Variants in P4HTM observed in about 807,000 individuals in gnomAD.
P4HTM encodes the protein transmembrane prolyl 4-hydroxylase.
In P4HTM, 33 loss-of-function variants were observed where a neutral mutation model predicts 55.3. The ratio of observed to expected loss-of-function variants is 0.60; its 90% CI spans 0.45 to 0.80. The LOEUF (loss-of-function observed/expected upper bound fraction) is 0.80, where lower values mean the gene tolerates loss of function less well. Among genes scored for constraint, P4HTM ranks in the 30% least tolerant of loss-of-function variants. The pLI is 0.00. For missense variants in P4HTM, 542 were observed against 696.5 expected (o/e 0.78, Z 2.50); for synonymous variants, 272 against 286.4 (o/e 0.95, Z 0.51).
At chr3:49,004,467 T>A (rs1398075948) in intron 5 of P4HTM, 1 of 583,934 alleles carries the variant, frequency 1.7e-6, no homozygotes, top group Non-Finnish European at 3.0e-6. Flanking sequence ...AATGGGCAAC[T>A]GGGGTTAGAT....
rs1389056353 is a variant in P4HTM at position 49,006,128 on chromosome 3, G to A, written c.1229G>A (p.Arg410His). Reference sequence around the variant, plus strand: ...AGGCACTGTGACAAGGGAAACCTGCGTGTCAAGCCCCAACAGGGCACAGCA... The same window carrying A: ...AGGCACTGTGACAAGGGAAACCTGCATGTCAAGCCCCAACAGGGCACAGCA... Reference protein sequence around the residue: ...TRRHCDKGNLRVKPQQGTAVF... With the variant: ...TRRHCDKGNLHVKPQQGTAVF... The change falls in exon 8 of 9, where the codon CGT becomes CAT. Residue 410 changes from arginine (R) to histidine (H), a missense_variant. Around this residue, in one of 2 missense-constraint regions of P4HTM, gnomAD observed 536 missense variants for 672.1 expected, o/e 0.80. Coordinates refer to ENST00000383729, the MANE Select transcript of P4HTM (RefSeq NM_177939.3). 5.0e-6 allele frequency: 8 copies of A among 1,612,862 alleles called. No individual in the cohort carries two copies. Among genetic ancestry groups the A allele is most frequent in the Admixed American group, 3.3e-5 (2 of 60,000 alleles).
rs2092978557 is a variant in P4HTM at position 49,005,997 on chromosome 3, TCACC to T, written c.1165-65_1165-62del. On this transcript the variant is annotated intron_variant, in intron 7 of 8. Transcript: ENST00000383729. ...GCATATCTGGTTGGTTTCCCTTTGGTCACCCTTGGCTGGCCTGGCCATAGAGTGG... is the reference window on the plus strand; with the variant it reads ...GCATATCTGGTTGGTTTCCCTTTGGTCTTGGCTGGCCTGGCCATAGAGTGG... 8 of 1,569,708 alleles carry T rather than the reference TCACC, an allele frequency of 5.1e-6. No homozygotes were observed. In the African/African-American group the frequency reaches 6.8e-5, roughly 13 times the overall value.
chr3:48,998,658 A>G (rs1292489575), intron 2 of P4HTM, among the ~76,000 whole-genome samples: 1 of 151,570 alleles, frequency 6.6e-6, no homozygotes, highest in African/African-American at 2.4e-5. Flanking sequence ...TTGGGCCTTT[A>G]CTCTCCATCT....
chr3:49,005,755 C>T lies in P4HTM; in HGVS notation c.1074-22C>T, dbSNP rs1260345994. On this transcript the variant is annotated intron_variant, in intron 6 of 8. Coordinates refer to ENST00000383729, the MANE Select transcript of P4HTM (RefSeq NM_177939.3). ...GAGCATCCACAACTGGGGACCTGCT[C>T]AGTGCCCCCCCTGCCTTACAGCTAC... 36 of 1,586,622 alleles carry T rather than the reference C, an allele frequency of 2.3e-5. No homozygotes were observed. Among genetic ancestry groups the T allele is most frequent in the Non-Finnish European group, 2.7e-5 (31 of 1,168,048 alleles).
chr3:49,002,513 C>A lies in P4HTM; in HGVS notation c.641C>A (p.Thr214Asn). Residue 214 changes from threonine to asparagine, a missense_variant, in exon 4 of 9, where the codon ACT becomes AAT. Physicochemically the swap from Thr to Asn is moderately conservative, Grantham distance 65. This residue lies in a region of P4HTM where 536 missense variants were observed against 672.1 expected (regional missense o/e 0.80). Transcript: ENST00000383729. This position sits in a 1 kb window ranked among gnomAD's most constrained non-coding sequence, Gnocchi z 4.4. ...HLQLREVLAQ[T>N]RLGNGWWMTP... ...CTTATGCTTTAGGTTCTGGCCCAGA[C>A]TCGCCTGGGAAATGGATGGTGGATG... The A allele has an allele frequency of 6.2e-7, 1 of 1,613,876 alleles. No individual in the cohort carries two copies. The highest frequency in any genetic ancestry group is 2.2e-5 in the East Asian group (1 of 44,876).
intron 2 of P4HTM, chr3:48,991,458 G>C (rs939113394): frequency 2.0e-5 from 3 of 153,114 alleles, no homozygotes; most frequent in Non-Finnish European, 2.9e-5. Context: ...AAGCTTTCTA[G>C]GGTGACTCCA....
intron 2 of P4HTM, among the ~76,000 whole-genome samples, chr3:48,993,730 T>G (rs2092937591): frequency 6.6e-6 from 1 of 151,028 alleles, no homozygotes; most frequent in Non-Finnish European, 1.5e-5. Context: ...GGCATGGTGG[T>G]GGATGCCTGT....
At position 49,001,910 on chromosome 3, in the gene P4HTM, G is replaced by T. The variant is rs566024816; in HGVS notation, c.627+282G>T. Reference sequence around the variant, plus strand: ...TGTAGCCTGCATTCCTTGCTCTCATGGCTGGGGGCCCCACAGAACTCATGG... The same window carrying T: ...TGTAGCCTGCATTCCTTGCTCTCATTGCTGGGGGCCCCACAGAACTCATGG... On this transcript the variant is annotated intron_variant, in intron 3 of 8. Coordinates refer to ENST00000383729, the MANE Select transcript of P4HTM (RefSeq NM_177939.3). Among the ~76,000 whole-genome samples the T allele has an allele frequency of 4.6e-5, 7 of 152,370 alleles. No homozygotes were observed. In the East Asian group the frequency reaches 1.3e-3, roughly 29 times the overall value.
chr3:48,994,933 G>A (rs9838123), intron 2 of P4HTM, among the ~76,000 whole-genome samples: 3,474 of 152,078 alleles, frequency 0.023, 152 homozygotes, highest in African/African-American at 0.078. Context: ...CCAAACAGCC[G>A]GAACTACAGG....
chr3:49,005,185 C>A, intron 6 of P4HTM, 139 bp downstream of exon 6: 1 of 1,587,106 alleles, frequency 6.3e-7, no homozygotes, highest in Non-Finnish European at 8.6e-7. Flanking sequence ...GTGATGCCCT[C>A]ACCTCTCCCC....
Position 49,007,003 on chromosome 3 carries a change from GC to G in P4HTM, c.*98del. 8 of 1,048,528 alleles carry G rather than the reference GC, an allele frequency of 7.6e-6. No individual in the cohort carries two copies. The South Asian group carries it at 1.2e-4, about 15-fold the overall frequency. The allele number at this position is 1,048,528 out of a possible 1,614,324, so 65.0% of individuals were successfully genotyped here. ...TGTCCTGCTGCAGACTAAAGGTCTGGCCAATGTCTTGCCCCACCCCGCCAGC... is the reference window on the plus strand; with the variant it reads ...TGTCCTGCTGCAGACTAAAGGTCTGGCAATGTCTTGCCCCACCCCGCCAGC... On this transcript the variant is annotated 3_prime_UTR_variant, in exon 9 of 9. Coordinates refer to ENST00000383729, the MANE Select transcript of P4HTM (RefSeq NM_177939.3). The surrounding 1 kb of genome is among the most constrained non-coding windows in gnomAD (Gnocchi z 5.1).
chr3:49,004,042 C>T (rs1004125335), intron 4 of P4HTM, 56 bp from the exon 5 acceptor site: 1 of 1,508,796 alleles, frequency 6.6e-7, no homozygotes, highest in Non-Finnish European at 8.9e-7. Flanking sequence ...TGCAGCCTGC[C>T]ACTGTTGCCT....
rs2092956678 is a variant in P4HTM at position 48,999,999 on chromosome 3, C to G, written c.437-1439C>G. Among the ~76,000 whole-genome samples, 1 of 152,254 alleles carries G rather than the reference C, an allele frequency of 6.6e-6. No individual in the cohort carries two copies. The highest frequency in any genetic ancestry group is 2.1e-4 in the South Asian group (1 of 4,826). On this transcript the variant is annotated intron_variant, in intron 2 of 8. Coordinates refer to ENST00000383729, the MANE Select transcript of P4HTM (RefSeq NM_177939.3). This position sits in a 1 kb window ranked among gnomAD's most constrained non-coding sequence, Gnocchi z 4.8. ...GCCTTTGTCCTATCCTCAGTGTTAT[C>G]ACATCAGGGTCACCTGCTCCTAGTA...
At chr3:48,990,075 C>A, upstream of P4HTM, 2 of 374,362 alleles carry the variant, frequency 5.3e-6, no homozygotes, top group Non-Finnish European at 3.9e-6. This position sits in a 1 kb window ranked among gnomAD's most constrained non-coding sequence, Gnocchi z 7.2. Flanking sequence ...TGGGCTGGGG[C>A]TCAAGGCGCA....
chr3:48,993,122 T>C (rs1224264161), intron 2 of P4HTM, among the ~76,000 whole-genome samples: 1 of 151,914 alleles, frequency 6.6e-6, no homozygotes, highest in Non-Finnish European at 1.5e-5. Context: ...CTGACCAACA[T>C]GGGGGAACCC....
rs200376910 is a variant in P4HTM at position 49,002,500 on chromosome 3, G to T, written c.628G>T (p.Val210Phe). The change falls in exon 4 of 9, where the codon GTT becomes TTT. Residue 210 changes from valine (V) to phenylalanine (F), a missense_variant and splice_region_variant. By Grantham distance (50) the Val-to-Phe change is conservative. This residue lies in a region of P4HTM where 536 missense variants were observed against 672.1 expected (regional missense o/e 0.80). Coordinates refer to ENST00000383729, the MANE Select transcript of P4HTM (RefSeq NM_177939.3). The surrounding 1 kb of genome is among the most constrained non-coding windows in gnomAD (Gnocchi z 4.4). ...ACTGAGGGACCCTCTTATGCTTTAGGTTCTGGCCCAGACTCGCCTGGGAAA... is the reference window on the plus strand; with the variant it reads ...ACTGAGGGACCCTCTTATGCTTTAGTTTCTGGCCCAGACTCGCCTGGGAAA... ...NRDGHLQLRE[V>F]LAQTRLGNGW... The T allele has an allele frequency of 4.3e-6, 7 of 1,612,818 alleles. No homozygotes were observed. The highest frequency in any genetic ancestry group is 5.1e-6 in the Non-Finnish European group (6 of 1,178,854).
At chr3:48,997,414 G>C (rs2092949124) in intron 2 of P4HTM, 2 of 152,338 alleles carry the variant, frequency 1.3e-5, no homozygotes, top group Non-Finnish European at 2.9e-5. Context: ...GCGTTGCAGG[G>C]TGGGCTCCAG....
At chr3:49,001,034 T>C (rs549242970) in intron 2 of P4HTM, 1 of 287,686 alleles carries the variant, frequency 3.5e-6, no homozygotes, top group East Asian at 8.7e-5. Flanking sequence ...AAAGTTAAAA[T>C]GAAAGCAAGA....
At chr3:49,005,976 A>G in intron 7 of P4HTM, 88 bp from the exon 8 acceptor site, 2 of 1,556,072 alleles carry the variant, frequency 1.3e-6, no homozygotes, top group South Asian at 1.2e-5. Flanking sequence ...CCTTGGGCAT[A>G]TCTGGTTGGT....
Sources: allele counts gnomAD v4.1 joint callset (sites outside exome capture counted in the v4.1 genomes callset), GRCh38; gene constraint gnomAD v4.1.1; regional missense constraint gnomAD v4.1.1; non-coding constraint Gnocchi (gnomAD v3.1); transcripts MANE v1.5; gene names NCBI Gene and HGNC (gene_info 2026-07-23, HGNC 2026-07-21).